RUVBL1: variants seen among roughly 807,000 people sequenced by gnomAD.
RUVBL1 encodes the protein RuvB like AAA ATPase 1.
RUVBL1 carries 4 observed loss-of-function variants against 52.4 expected under a neutral mutation model. The ratio of observed to expected loss-of-function variants is 0.08; its 90% CI spans 0.04 to 0.17. The LOEUF (loss-of-function observed/expected upper bound fraction) is 0.17, where lower values mean the gene tolerates loss of function less well. Ranked by LOEUF, RUVBL1 falls within the 10% of genes least tolerant of loss-of-function variation. RUVBL1 has a pLI of 1.00. For synonymous variants in RUVBL1, 217 were observed against 214.4 expected (o/e 1.01, Z -0.10); for missense variants, 298 against 572.8 (o/e 0.52, Z 4.90).
intron 9 of RUVBL1, chr3:128,068,566 G>C (rs1942055006): frequency 6.3e-6 from 1 of 158,138 alleles, no homozygotes; most frequent in Non-Finnish European, 1.4e-5. Flanking sequence ...GATGGAGCCT[G>C]CAGTCTCTTA....
intron 9 of RUVBL1, chr3:128,075,260 T>G (rs369860459): frequency 3.3e-5 from 5 of 152,234 alleles, no homozygotes; most frequent in African/African-American, 9.7e-5. Flanking sequence ...TGCCTGTAAT[T>G]CTTGCAGTTT....
upstream of RUVBL1, among the ~76,000 whole-genome samples, chr3:128,125,159 C>T (rs574404938): frequency 1.3e-5 from 2 of 151,878 alleles, no homozygotes; most frequent in Admixed American, 1.3e-4. Flanking sequence ...GGACTACAGG[C>T]GCCCACCATC....
At position 128,080,934 on chromosome 3, in the gene RUVBL1, T is replaced by G. The variant is rs1001093350; in HGVS notation, c.*316A>C. The G allele has an allele frequency of 3.7e-6, 1 of 273,252 alleles. No homozygotes were observed. Among genetic ancestry groups the G allele is most frequent in the Non-Finnish European group, 6.9e-6 (1 of 144,152 alleles). The allele number at this position is 273,252 out of a possible 1,614,324, so 16.9% of individuals were successfully genotyped here. On this transcript the variant is annotated 3_prime_UTR_variant, in exon 11 of 11. Coordinates refer to ENST00000322623, the MANE Select transcript of RUVBL1 (RefSeq NM_003707.3). ...AGATACATGGGAACTCCCTATTGTA[T>G]GTTCACAATGACTCTGTACATCTAA...
intron 1 of RUVBL1, among the ~76,000 whole-genome samples, chr3:128,138,567 A>C (rs1168429715): frequency 1.3e-5 from 2 of 152,180 alleles, no homozygotes; most frequent in Non-Finnish European, 2.9e-5. Context: ...ACAAAAAATG[A>C]AAGATAGTCC....
At chr3:128,087,906 T>G in intron 8 of RUVBL1, 98 bp from the exon 9 acceptor site, 1 of 847,810 alleles carries the variant, frequency 1.2e-6, no homozygotes. Context: ...AGCAGCTGGC[T>G]AGGCAGCCTA....
downstream of RUVBL1, among the ~76,000 whole-genome samples, chr3:128,080,228 A>G (rs551964483): frequency 6.6e-6 from 1 of 152,372 alleles, no homozygotes; most frequent in South Asian, 2.1e-4. Flanking sequence ...AGCTGGCTCA[A>G]TTTGAGCAAC....
intron 1 of RUVBL1, among the ~76,000 whole-genome samples, chr3:128,121,252 C>T: frequency 6.6e-6 from 1 of 151,638 alleles, no homozygotes; most frequent in African/African-American, 2.4e-5. Context: ...CATACCACCA[C>T]ACCCGGCTAA....
intron 1 of RUVBL1, among the ~76,000 whole-genome samples, chr3:128,149,796 C>G (rs1374704940): frequency 1.3e-5 from 2 of 152,222 alleles, no homozygotes; most frequent in Non-Finnish European, 2.9e-5. Context: ...GATGTTGTAA[C>G]ACCAATCTCA....
intron 4 of RUVBL1, among the ~76,000 whole-genome samples, chr3:128,104,409 C>T (rs1012291944): frequency 6.6e-6 from 1 of 152,226 alleles, no homozygotes; most frequent in Non-Finnish European, 1.5e-5. Flanking sequence ...TGAGCATGGG[C>T]ACTGATAACT....
chr3:128,105,250 G>A (rs1044254387), intron 3 of RUVBL1, among the ~76,000 whole-genome samples: 6 of 151,724 alleles, frequency 4.0e-5, no homozygotes, highest in African/African-American at 1.5e-4. Flanking sequence ...CTCCCGAGTA[G>A]CTGGGACTAC....
At chr3:128,115,526 G>A (rs1943503107) in intron 2 of RUVBL1, among the ~76,000 whole-genome samples, 1 of 152,166 alleles carries the variant, frequency 6.6e-6, no homozygotes, top group South Asian at 2.1e-4. Flanking sequence ...AAACCATTAA[G>A]CAGAAGTCAC....
At chr3:128,078,604 C>G (rs1446024550), downstream of RUVBL1, 1 of 152,224 alleles carries the variant, frequency 6.6e-6, no homozygotes, top group African/African-American at 2.4e-5. Context: ...GACCAGCCCC[C>G]ACCCTGCCTC....
At chr3:128,145,620 G>A (rs1328772055) in intron 1 of RUVBL1, among the ~76,000 whole-genome samples, 1 of 152,160 alleles carries the variant, frequency 6.6e-6, no homozygotes, top group Non-Finnish European at 1.5e-5. Context: ...ACCAGGCACA[G>A]GGAGAGAAAC....
Position 128,081,280 on chromosome 3 carries a change from C to T in RUVBL1, c.1341G>A (p.Leu447=). ...TCATGTACTTATCCTGCTGGTCAGC[C>T]AGGATTTTGGCGGAGGACTTGGCAT... The part of the protein sequence containing the change: ...FYDAKSSAKI[L]ADQQDKYMK The change falls in exon 11 of 11, where the codon CTG becomes CTA. Residue 447 remains leucine, a synonymous_variant. Coordinates refer to ENST00000322623, the MANE Select transcript of RUVBL1 (RefSeq NM_003707.3). This position sits in a 1 kb window ranked among gnomAD's most constrained non-coding sequence, Gnocchi z 4.8. 6.2e-7 allele frequency: 1 copy of T among 1,614,192 alleles called. No homozygotes were observed. Among genetic ancestry groups the T allele is most frequent in the Non-Finnish European group, 8.5e-7 (1 of 1,180,012 alleles).
At chr3:128,144,852 T>G (rs146517546) in intron 1 of RUVBL1, among the ~76,000 whole-genome samples, 45 of 152,208 alleles carry the variant, frequency 3.0e-4, no homozygotes, top group African/African-American at 8.4e-4. Context: ...TTCCCCCCAT[T>G]CTTGGGGTGG....
At chr3:128,122,119 T>C (rs1943664852) in intron 1 of RUVBL1, among the ~76,000 whole-genome samples, 1 of 152,200 alleles carries the variant, frequency 6.6e-6, no homozygotes, top group Non-Finnish European at 1.5e-5. Flanking sequence ...ATACATAGAC[T>C]TGAGTTAAAA....
At position 128,081,058 on chromosome 3, in the gene RUVBL1, A is replaced by T. The variant is rs1185994566; in HGVS notation, c.*192T>A. ...TTATAGAAAACACACCAGGTAAGGA[A>T]GGGTTCTTTCAAAGCAACCACAGGA... On this transcript the variant is annotated 3_prime_UTR_variant, in exon 11 of 11. Transcript: ENST00000322623. This position sits in a 1 kb window ranked among gnomAD's most constrained non-coding sequence, Gnocchi z 4.8. 9.3e-6 allele frequency: 5 copies of T among 536,842 alleles called. No individual in the cohort carries two copies. In the African/African-American group the frequency reaches 9.4e-5, roughly 10 times the overall value. 33.3% of individuals were successfully genotyped at this position (536,842 alleles called of 1,614,324 possible).
chr3:128,125,876 A>C (rs1279266495), upstream of RUVBL1, among the ~76,000 whole-genome samples: 10 of 152,248 alleles, frequency 6.6e-5, no homozygotes, highest in Non-Finnish European at 8.8e-5. Flanking sequence ...ACCAACTAGT[A>C]GTCAAAGTGA....
At chr3:128,109,962 T>C (rs1943341800) in intron 3 of RUVBL1, among the ~76,000 whole-genome samples, 1 of 151,838 alleles carries the variant, frequency 6.6e-6, no homozygotes, top group Admixed American at 6.6e-5. Context: ...ATTACAGGCG[T>C]ATGCCACCAT....
Sources: allele counts gnomAD v4.1 joint callset (sites outside exome capture counted in the v4.1 genomes callset), GRCh38; gene constraint gnomAD v4.1.1; non-coding constraint Gnocchi (gnomAD v3.1); transcripts MANE v1.5; gene names NCBI Gene and HGNC (gene_info 2026-07-23, HGNC 2026-07-21).